LMO7: variants seen among roughly 807,000 people sequenced by gnomAD.
The protein encoded by LMO7 is LIM domain only protein 7.
In LMO7, 120 loss-of-function variants were observed where a neutral mutation model predicts 206.5. The ratio of observed to expected loss-of-function variants is 0.58; its 90% confidence interval spans 0.50 to 0.68. The LOEUF is 0.68. LMO7 is among the 30% of genes least tolerant of loss of function. The pLI is 0.00. For missense variants in LMO7, 1,959 were observed against 1,957.9 expected (o/e 1.00, Z -0.01); for synonymous variants, 706 against 681.5 (o/e 1.04, Z -0.56).
chr13:75,626,577 T>TATATATATATATATATATA (rs71127564), intron 2 of LMO7, among the ~76,000 whole-genome samples: 896 of 74,170 alleles, frequency 0.012, 59 homozygotes, highest in African/African-American at 0.015. Context: ...AACATATATA[T>TATATATATATATATATATA]TATATATATA....
chr13:75,743,183 C>T (rs1020999028), intron 3 of LMO7, among the ~76,000 whole-genome samples: 1 of 152,140 alleles, frequency 6.6e-6, no homozygotes, highest in Non-Finnish European at 1.5e-5. Flanking sequence ...CATTGCACAC[C>T]AGTCAGAATG....
intron 3 of LMO7, among the ~76,000 whole-genome samples, chr13:75,741,667 G>A (rs2046421752): frequency 6.6e-6 from 1 of 152,172 alleles, no homozygotes; most frequent in Non-Finnish European, 1.5e-5. Context: ...AAAGCCTTTT[G>A]ATAAAATTCA....
At chr13:75,638,942 A>G (rs1593982260) in intron 1 of LMO7, among the ~76,000 whole-genome samples, 1 of 152,128 alleles carries the variant, frequency 6.6e-6, no homozygotes, top group South Asian at 2.1e-4. Flanking sequence ...ATTCCTTTAC[A>G]CATTACTGAA....
chr13:75,729,797 G>A (rs1320531929), intron 3 of LMO7, among the ~76,000 whole-genome samples: 2 of 150,152 alleles, frequency 1.3e-5, no homozygotes. Context: ...TTTGAGATAT[G>A]TCCCATCAAT....
intron 1 of LMO7, among the ~76,000 whole-genome samples, chr13:75,698,626 G>A (rs2042061246): frequency 6.6e-6 from 1 of 150,638 alleles, no homozygotes; most frequent in Non-Finnish European, 1.5e-5. Context: ...TTTCGGGGAG[G>A]GGTAGGCATT....
At chr13:75,703,425 C>T (rs185667062) in intron 1 of LMO7, among the ~76,000 whole-genome samples, 101 of 152,206 alleles carry the variant, frequency 6.6e-4, no homozygotes, top group African/African-American at 2.3e-3. Context: ...CACAGACACT[C>T]TCATTTGATG....
At chr13:75,746,638 T>C (rs1480216359) in intron 3 of LMO7, among the ~76,000 whole-genome samples, 8 of 152,254 alleles carry the variant, frequency 5.3e-5, no homozygotes, top group Admixed American at 5.2e-4. Context: ...GCGACCATTA[T>C]ATGGGATGTC....
chr13:75,832,146 C>G (rs1474576121), intron 15 of LMO7, among the ~76,000 whole-genome samples: 1 of 152,138 alleles, frequency 6.6e-6, no homozygotes, highest in African/African-American at 2.4e-5. Flanking sequence ...ATATTAAAAT[C>G]TATCTGTTGC....
intron 1 of LMO7, among the ~76,000 whole-genome samples, chr13:75,696,382 C>CA (rs1273982480): frequency 4.0e-5 from 6 of 151,842 alleles, no homozygotes; most frequent in Non-Finnish European, 8.8e-5. Flanking sequence ...AACAAACAAA[C>CA]AAAAACCCGA....
intron 27 of LMO7, among the ~76,000 whole-genome samples, chr13:75,852,092 T>G (rs2060543904): frequency 6.6e-6 from 1 of 152,258 alleles, no homozygotes. Context: ...TTATATTTGC[T>G]ATGTCTAAAC....
At chr13:75,627,750 A>G (rs934179857) in intron 2 of LMO7, 2 of 152,106 alleles carry the variant, frequency 1.3e-5, no homozygotes, top group East Asian at 3.8e-4. Flanking sequence ...CTTAGTAAAC[A>G]TACATTCTCT....
intron 15 of LMO7, among the ~76,000 whole-genome samples, chr13:75,827,761 C>T (rs1447357657): frequency 6.6e-6 from 1 of 152,128 alleles, no homozygotes; most frequent in African/African-American, 2.4e-5. Context: ...TTTTTAAACC[C>T]TCTACAAATC....
intron 15 of LMO7, among the ~76,000 whole-genome samples, chr13:75,824,083 G>A (rs1045278320): frequency 6.6e-6 from 1 of 152,180 alleles, no homozygotes; most frequent in African/African-American, 2.4e-5. Flanking sequence ...TGATATGAGT[G>A]TATGGAGACT....
chr13:75,714,444 C>T (rs924055475), intron 2 of LMO7, among the ~76,000 whole-genome samples: 4 of 152,086 alleles, frequency 2.6e-5, no homozygotes, highest in East Asian at 3.8e-4. Context: ...GCTCTGTTGG[C>T]AAGTGTTCAA....
chr13:75,700,437 G>A (rs929646576), intron 1 of LMO7, among the ~76,000 whole-genome samples: 42 of 152,210 alleles, frequency 2.8e-4, no homozygotes, highest in African/African-American at 9.6e-4. Context: ...CACAATTTAT[G>A]TTCTTCTGCC....
chr13:75,635,971 A>T (rs2035764679), upstream of LMO7: 3 of 150,762 alleles, frequency 2.0e-5, no homozygotes, highest in Admixed American at 1.3e-4. Context: ...TATTTCTGGT[A>T]TGTCAAGCGG....
chr13:75,651,313 T>G (rs1284358146), intron 1 of LMO7, among the ~76,000 whole-genome samples: 1 of 151,364 alleles, frequency 6.6e-6, no homozygotes, highest in East Asian at 1.9e-4. Flanking sequence ...GGTTTCCTTT[T>G]TTTTTTTTTT....
chr13:75,813,296 A>T (rs1304748181), intron 11 of LMO7, among the ~76,000 whole-genome samples: 1 of 152,326 alleles, frequency 6.6e-6, no homozygotes, highest in Non-Finnish European at 1.5e-5. Context: ...AGCTTTTGGG[A>T]GATCCCAAAC....
chr13:75,769,417 T>A (rs1191233739), intron 4 of LMO7, among the ~76,000 whole-genome samples: 4 of 152,030 alleles, frequency 2.6e-5, no homozygotes, highest in African/African-American at 9.7e-5. Context: ...CAGACACCAT[T>A]GACCAAATAT....
Sources: gnomAD v4.1 joint callset for allele counts (sites outside exome capture counted in the v4.1 genomes callset) on GRCh38, gnomAD v4.1.1 for gene constraint, MANE v1.5 for transcripts, NCBI Gene and HGNC (gene_info 2026-07-23, HGNC 2026-07-21) for gene names.